EPG5: variants seen among roughly 807,000 people sequenced by gnomAD.
The protein encoded by EPG5 is ectopic P-granules 5 autophagy tethering factor.
In EPG5, 159 loss-of-function variants were observed where a neutral mutation model predicts 302.7. The ratio of observed to expected loss-of-function variants is 0.53; its 90% CI spans 0.46 to 0.60. The LOEUF is 0.60. EPG5 is among the 20% of genes least tolerant of loss of function. The pLI is 0.00. For missense variants in EPG5, 2,896 were observed against 3,092.4 expected (o/e 0.94, Z 1.51); for synonymous variants, 1,158 against 1,136.8 (o/e 1.02, Z -0.37).
At chr18:45,890,715 A>T (rs1478021751) in intron 27 of EPG5, among the ~76,000 whole-genome samples, 1 of 152,202 alleles carries the variant, frequency 6.6e-6, no homozygotes, top group Non-Finnish European at 1.5e-5. Flanking sequence ...ATGCAATTTT[A>T]ATGTCATTTT....
At chr18:45,947,210 C>A (rs992800635) in intron 6 of EPG5, among the ~76,000 whole-genome samples, 1 of 152,052 alleles carries the variant, frequency 6.6e-6, no homozygotes, top group African/African-American at 2.4e-5. Context: ...GTCAAGAGAT[C>A]GAGACCATCC....
At position 45,907,994 on chromosome 18, in the gene EPG5, A is replaced by G; in HGVS notation, c.4293T>C (p.Asp1431=). ...GCATCACTTTTGCTAGCCTGTGAAT[A>G]TCATAATGCTTTGGTAGAGAAGGGA... The part of the protein sequence containing the change: ...TYIPSLPKHY[D]IHRLAKVMQN... Residue 1431 remains aspartate, a synonymous_variant, in exon 24 of 44, where the codon GAT becomes GAC. Transcript: ENST00000282041. The G allele has an allele frequency of 6.3e-7, 1 of 1,593,076 alleles. No homozygotes were observed. Among genetic ancestry groups the G allele is most frequent in the Non-Finnish European group, 8.5e-7 (1 of 1,174,262 alleles).
intron 25 of EPG5, among the ~76,000 whole-genome samples, chr18:45,901,436 T>G (rs2049615770): frequency 6.6e-6 from 1 of 152,138 alleles, no homozygotes; most frequent in Non-Finnish European, 1.5e-5. Flanking sequence ...TATGCAAGCT[T>G]GAATCAGATG....
At chr18:45,810,170 A>G in the EPG5 span, among the ~76,000 whole-genome samples, 969 of 152,328 alleles carry the variant, frequency 6.4e-3, 9 homozygotes, top group African/African-American at 0.022. Context: ...ATCAGGAAGA[A>G]TTAAACACCC....
the EPG5 span, chr18:45,838,976 T>C: frequency 2.5e-6 from 4 of 1,601,770 alleles, no homozygotes; most frequent in Admixed American, 5.0e-5. Flanking sequence ...AGCGTCTACC[T>C]GTTCCGCTTC....
At chr18:45,855,162 G>A (rs189293466) in intron 43 of EPG5, among the ~76,000 whole-genome samples, 475 of 151,698 alleles carry the variant, frequency 3.1e-3, no homozygotes, top group Non-Finnish European at 5.2e-3. Context: ...CACAAAACAG[G>A]AACTACTTTC....
chr18:45,929,699 T>C (rs1228799837), intron 12 of EPG5, among the ~76,000 whole-genome samples: 1 of 152,360 alleles, frequency 6.6e-6, no homozygotes, highest in East Asian at 1.9e-4. Flanking sequence ...CAACAGATCT[T>C]GAGAATGTCA....
chr18:45,870,615 T>C lies in EPG5; in HGVS notation c.6177A>G (p.Pro2059=). Residue 2059 remains proline, a synonymous_variant, in exon 36 of 44, where the codon CCA becomes CCG. Coordinates refer to ENST00000282041, the MANE Select transcript of EPG5 (RefSeq NM_020964.3). ...TCTGGTCAGGGTGCAGGTCCTTCCA[T>C]GGCAGTTTCCGGTACGTGCTATGGA... ...YAFHSTYRKL[P]WKDLHPDQML... is the part of the protein sequence containing the mutation. 2 of 1,614,070 alleles carry C rather than the reference T, an allele frequency of 1.2e-6. No individual in the cohort carries two copies. The highest frequency in any genetic ancestry group is 1.1e-5 in the South Asian group (1 of 91,064).
rs762955250 is a variant in EPG5, at chr18:45,851,850, T to C, written c.*617A>G. The C allele has an allele frequency of 3.3e-5, 5 of 152,256 alleles. No individual in the cohort carries two copies. The highest frequency in any genetic ancestry group is 5.9e-5 in the Non-Finnish European group (4 of 68,066). The allele number at this position is 152,256 out of a possible 1,614,324, so 9.4% of individuals were successfully genotyped here. On this transcript the variant is annotated 3_prime_UTR_variant, in exon 44 of 44. Transcript: ENST00000282041. ...TGAGGATACACGGCTGGATGGAAAT[T>C]GACTTGTCATCATCTCTACTGCCCA...
chr18:45,803,307 G>A, the EPG5 span, among the ~76,000 whole-genome samples: 2 of 152,282 alleles, frequency 1.3e-5, no homozygotes, highest in East Asian at 1.9e-4. Context: ...AACGCTTACT[G>A]TACTGAGCTT....
At chr18:45,837,233 A>T in the EPG5 span, 1 of 1,383,810 alleles carries the variant, frequency 7.2e-7, no homozygotes, top group African/African-American at 1.5e-5. Context: ...CAGGTGAATT[A>T]GGAAACGAAG....
intron 1 of EPG5, among the ~76,000 whole-genome samples, chr18:45,955,541 G>A (rs145007960): frequency 1.1e-3 from 161 of 152,222 alleles, no homozygotes; most frequent in Admixed American, 1.8e-3. Context: ...AATATTGAGC[G>A]TGTTAAATTT....
chr18:45,872,877 TTAGA>T (rs2048900733), intron 35 of EPG5, among the ~76,000 whole-genome samples: 1 of 152,198 alleles, frequency 6.6e-6, no homozygotes, highest in Non-Finnish European at 1.5e-5. Flanking sequence ...ACAGTTTTGT[TTAGA>T]TAAAGTTGGG....
At chr18:45,884,465 C>T in intron 30 of EPG5, 152 bp downstream of exon 30, 1 of 620,312 alleles carries the variant, frequency 1.6e-6, no homozygotes, top group Non-Finnish European at 2.7e-6. Context: ...TGGGGTCAGA[C>T]TGCTTGAAGC....
chr18:45,900,877 T>C (rs1359595253), intron 26 of EPG5, 119 bp downstream of exon 26: 10 of 1,039,108 alleles, frequency 9.6e-6, no homozygotes, highest in Middle Eastern at 2.7e-4. Context: ...CTGGGCCAGG[T>C]TGGTCAAACT....
intron 9 of EPG5, among the ~76,000 whole-genome samples, chr18:45,940,797 T>C (rs2050649175): frequency 6.6e-6 from 1 of 152,094 alleles, no homozygotes; most frequent in Non-Finnish European, 1.5e-5. Flanking sequence ...AGATTGAATG[T>C]GGGGTATAAA....
At chr18:45,901,765 C>CCA (rs58432761) in intron 25 of EPG5, among the ~76,000 whole-genome samples, 3,121 of 146,666 alleles carry the variant, frequency 0.021, 31 homozygotes, top group East Asian at 0.054. Context: ...CAATCCTGTG[C>CCA]CACACACACA....
the EPG5 span, among the ~76,000 whole-genome samples, chr18:45,833,007 T>C: frequency 2.6e-5 from 4 of 152,226 alleles, no homozygotes; most frequent in African/African-American, 9.6e-5. Context: ...TCGTAACCCT[T>C]GGTGAAAGAC....
chr18:45,877,193 T>G (rs1266543871), intron 34 of EPG5, among the ~76,000 whole-genome samples: 3 of 151,910 alleles, frequency 2.0e-5, no homozygotes, highest in Non-Finnish European at 4.4e-5. Flanking sequence ...GGTCAGGAGT[T>G]CAAGACCAGC....
Sources: allele counts gnomAD v4.1 joint callset (sites outside exome capture counted in the v4.1 genomes callset), GRCh38; gene constraint gnomAD v4.1.1; transcripts MANE v1.5; gene names NCBI Gene and HGNC (gene_info 2026-07-23, HGNC 2026-07-21).